The following ZBTB7C variants were observed in gnomAD, a reference collection of about 807,000 sequenced individuals.
ZBTB7C encodes the protein zinc finger and BTB domain-containing protein 7C.
A neutral mutation model predicts 25.7 loss-of-function variants in ZBTB7C; 8 were observed. That is an observed-to-expected ratio of 0.31 (90% CI 0.18 to 0.56). ZBTB7C has a LOEUF of 0.56. ZBTB7C is among the 20% of genes least tolerant of loss of function. The pLI is 0.91. For missense variants in ZBTB7C, 824 were observed against 855.2 expected, an observed-to-expected ratio of 0.96 and a Z score of 0.46; for synonymous variants, 394 against 369.0, an observed-to-expected ratio of 1.07 and a Z score of -0.78.
At chr18:48,232,286 A>G (rs1271906560) in intron 2 of ZBTB7C, among the ~76,000 whole-genome samples, 1 of 152,242 alleles carries the variant, frequency 6.6e-6, no homozygotes, top group Non-Finnish European at 1.5e-5. Context: ...CTCAGAAGCT[A>G]GAAGAGGCAA....
intron 2 of ZBTB7C, among the ~76,000 whole-genome samples, chr18:48,225,773 T>TC (rs571045583): frequency 9.9e-4 from 151 of 152,138 alleles, no homozygotes; most frequent in African/African-American, 3.4e-3. Flanking sequence ...AGACAGAGTC[T>TC]CACTCTGTCA....
chr18:48,201,320 G>A (rs887610916), intron 2 of ZBTB7C, among the ~76,000 whole-genome samples: 2 of 152,194 alleles, frequency 1.3e-5, no homozygotes, highest in Admixed American at 1.3e-4. Context: ...ATGCATGAAT[G>A]CTGGGAAGCA....
intron 3 of ZBTB7C, among the ~76,000 whole-genome samples, chr18:48,159,532 C>T (rs191031986): frequency 6.6e-6 from 1 of 152,340 alleles, no homozygotes; most frequent in Non-Finnish European, 1.5e-5. Flanking sequence ...ATCATGCCTA[C>T]ACTAATTCAT....
intron 3 of ZBTB7C, among the ~76,000 whole-genome samples, chr18:48,080,956 C>T (rs1018173067): frequency 6.6e-6 from 1 of 152,216 alleles, no homozygotes; most frequent in East Asian, 1.9e-4. Context: ...TCCTCACTCA[C>T]CCCTGGTTTG....
intron 3 of ZBTB7C, among the ~76,000 whole-genome samples, chr18:48,132,598 CTG>C (rs2040020645): frequency 6.6e-6 from 1 of 152,164 alleles, no homozygotes; most frequent in African/African-American, 2.4e-5. Context: ...ATTTTATTGA[CTG>C]TTTTATTAAG....
intron 1 of ZBTB7C, among the ~76,000 whole-genome samples, chr18:48,362,361 T>C (rs912358740): frequency 6.6e-6 from 1 of 152,232 alleles, no homozygotes; most frequent in Non-Finnish European, 1.5e-5. Flanking sequence ...AATGTGATGG[T>C]GTGAGGAGGT....
Position 48,040,850 on chromosome 18 carries a change from AG to A in ZBTB7C, c.257del (p.Ala86ValfsTer35). ...AGGTGTAGGCGAACTCCAGGATAGC[AG>A]CCAGAGCCTCAGGCTGGACAAAGTC... ...EIDFVQPEAL[A>X]AILEFAYTST... On this transcript the variant is annotated frameshift_variant, in exon 4 of 5. Coordinates refer to ENST00000590800, the MANE Select transcript of ZBTB7C (RefSeq NM_001318841.2). LOFTEE classifies it high-confidence loss of function. 6.2e-7 allele frequency: 1 copy of A among 1,614,106 alleles called. No homozygotes were observed. The highest frequency in any genetic ancestry group is 8.5e-7 in the Non-Finnish European group (1 of 1,180,020).
At chr18:48,178,494 G>A (rs1378065447) in intron 3 of ZBTB7C, among the ~76,000 whole-genome samples, 1 of 152,236 alleles carries the variant, frequency 6.6e-6, no homozygotes, top group African/African-American at 2.4e-5. Context: ...AGAAAAGTTG[G>A]TGGAGGAATA....
intron 1 of ZBTB7C, among the ~76,000 whole-genome samples, chr18:48,379,120 C>A (rs1381242153): frequency 6.6e-6 from 1 of 152,190 alleles, no homozygotes; most frequent in Non-Finnish European, 1.5e-5. Context: ...ATAAGACTAT[C>A]TTTTCTCCAT....
At chr18:48,329,311 T>A (rs1200480917) in intron 2 of ZBTB7C, among the ~76,000 whole-genome samples, 1 of 152,206 alleles carries the variant, frequency 6.6e-6, no homozygotes, top group Non-Finnish European at 1.5e-5. Context: ...TCCTGTTGGA[T>A]CCCCTGTGCC....
At chr18:48,211,413 T>A (rs979975822) in intron 2 of ZBTB7C, among the ~76,000 whole-genome samples, 7 of 151,838 alleles carry the variant, frequency 4.6e-5, no homozygotes, top group African/African-American at 1.7e-4. Context: ...AGCCATAGAG[T>A]AGGAGAAATA....
intron 2 of ZBTB7C, among the ~76,000 whole-genome samples, chr18:48,231,242 A>G (rs2043244300): frequency 1.3e-5 from 2 of 152,276 alleles, no homozygotes; most frequent in Admixed American, 6.5e-5. Flanking sequence ...CCATTTCCAC[A>G]GACCAGAGTG....
intron 3 of ZBTB7C, among the ~76,000 whole-genome samples, chr18:48,083,283 T>C (rs2038059918): frequency 6.6e-6 from 1 of 152,108 alleles, no homozygotes; most frequent in Non-Finnish European, 1.5e-5. Context: ...AAATGATTGA[T>C]TTCCAAGTAG....
At chr18:48,043,042 A>G (rs1433237085) in intron 3 of ZBTB7C, among the ~76,000 whole-genome samples, 1 of 149,802 alleles carries the variant, frequency 6.7e-6, no homozygotes, top group African/African-American at 2.5e-5. Context: ...AGACATCACT[A>G]CATACATAGG....
chr18:48,114,929 A>G (rs1450186623), intron 3 of ZBTB7C, among the ~76,000 whole-genome samples: 1 of 152,240 alleles, frequency 6.6e-6, no homozygotes, highest in African/African-American at 2.4e-5. Flanking sequence ...TGTATATAAC[A>G]TAAAATTTGC....
intron 1 of ZBTB7C, among the ~76,000 whole-genome samples, chr18:48,403,308 A>C (rs1252586193): frequency 1.3e-5 from 2 of 152,168 alleles, no homozygotes; most frequent in African/African-American, 4.8e-5. Flanking sequence ...CCATCTACCT[A>C]AGCCAACCAC....
intron 3 of ZBTB7C, among the ~76,000 whole-genome samples, chr18:48,043,574 C>T (rs1430368748): frequency 6.6e-6 from 1 of 152,036 alleles, no homozygotes; most frequent in Non-Finnish European, 1.5e-5. Flanking sequence ...TTGCCAGGGA[C>T]TAAGGAGGTG....
At chr18:48,264,837 G>C (rs2044265826) in intron 2 of ZBTB7C, among the ~76,000 whole-genome samples, 1 of 152,200 alleles carries the variant, frequency 6.6e-6, no homozygotes, top group South Asian at 2.1e-4. Context: ...ACTTTGCAAA[G>C]CTCTTTTCCA....
At chr18:48,290,537 A>G (rs80185960) in intron 2 of ZBTB7C, among the ~76,000 whole-genome samples, 12,334 of 152,278 alleles carry the variant, frequency 0.081, 585 homozygotes, top group African/African-American at 0.12. Context: ...CTGGGGAGCT[A>G]AGCAGAACTG....
Sources: allele counts gnomAD v4.1 joint callset (sites outside exome capture counted in the v4.1 genomes callset), GRCh38; gene constraint gnomAD v4.1.1; transcripts MANE v1.5; gene names NCBI Gene and HGNC (gene_info 2026-07-23, HGNC 2026-07-21).